GEMIN2: variants seen among roughly 807,000 people sequenced by gnomAD.
The protein encoded by GEMIN2 is gem-associated protein 2.
GEMIN2 carries 37 observed loss-of-function variants against 45.8 expected under a neutral mutation model. The ratio of observed to expected loss-of-function variants is 0.81; its 90% confidence interval spans 0.62 to 1.06. GEMIN2 has a LOEUF of 1.06. Among genes scored for constraint, GEMIN2 ranks in the 50% least tolerant of loss-of-function variants. GEMIN2 has a pLI of 0.00. For missense variants in GEMIN2, 335 were observed against 321.8 expected, an observed-to-expected ratio of 1.04 and a Z score of -0.31; for synonymous variants, 101 against 111.5, an observed-to-expected ratio of 0.91 and a Z score of 0.60.
At chr14:39,115,964 T>C (rs2052499358) in intron 2 of GEMIN2, among the ~76,000 whole-genome samples, 1 of 152,118 alleles carries the variant, frequency 6.6e-6, no homozygotes, top group Non-Finnish European at 1.5e-5. Context: ...TTGTGATTAT[T>C]GCTATGAAGA....
At chr14:39,130,830 G>C (rs894283663) in intron 7 of GEMIN2, among the ~76,000 whole-genome samples, 2 of 151,910 alleles carry the variant, frequency 1.3e-5, no homozygotes, top group Non-Finnish European at 2.9e-5. Flanking sequence ...GGGAGGCAGA[G>C]GTTGCAGTGA....
At chr14:39,129,958 T>G (rs2052696137) in intron 7 of GEMIN2, among the ~76,000 whole-genome samples, 1 of 136,448 alleles carries the variant, frequency 7.3e-6, no homozygotes, top group Admixed American at 7.7e-5. Flanking sequence ...TTTTTTTTTT[T>G]GAGATGGAGT....
chr14:39,119,202 C>CA (rs1458295617), intron 4 of GEMIN2, among the ~76,000 whole-genome samples: 2 of 151,810 alleles, frequency 1.3e-5, no homozygotes, highest in Admixed American at 6.6e-5. Flanking sequence ...TCAATATTTA[C>CA]AAAAAAAATT....
intron 4 of GEMIN2, 69 bp from the exon 5 acceptor site, chr14:39,122,361 C>A: frequency 1.4e-6 from 1 of 726,284 alleles, no homozygotes; most frequent in Non-Finnish European, 2.3e-6. Context: ...GACTTAACTT[C>A]TTTTTTTTTA....
intron 6 of GEMIN2, among the ~76,000 whole-genome samples, chr14:39,127,333 A>ATT (rs2052656373): frequency 1.1e-4 from 9 of 81,940 alleles, no homozygotes; most frequent in East Asian, 8.9e-4. Context: ...CAGGTGTGCC[A>ATT]TTGTTTTTTT....
chr14:39,135,187 T>A (rs926518687), intron 9 of GEMIN2, among the ~76,000 whole-genome samples: 1 of 152,220 alleles, frequency 6.6e-6, no homozygotes, highest in Non-Finnish European at 1.5e-5. Context: ...CATTCAAGTG[T>A]ATTTTTTGCC....
In GEMIN2 at chr14:39,133,648, T is replaced by A; in HGVS notation, c.712-13T>A. The A allele has an allele frequency of 1.4e-6, 2 of 1,383,786 alleles. No homozygotes were observed. The highest frequency in any genetic ancestry group is 2.9e-5 in the African/African-American group (2 of 67,954). 85.7% of individuals were successfully genotyped at this position (1,383,786 alleles called of 1,614,324 possible). ...AACAGACAATATTTAAATTTTTCTTTTTTTTTTTTTAGGATAGCAAAGATG... is the reference window on the plus strand; with the variant it reads ...AACAGACAATATTTAAATTTTTCTTATTTTTTTTTTAGGATAGCAAAGATG... On this transcript the variant is annotated splice_polypyrimidine_tract_variant and intron_variant, in intron 8 of 9. Coordinates refer to ENST00000308317, the MANE Select transcript of GEMIN2 (RefSeq NM_003616.3).
intron 2 of GEMIN2, 61 bp from the exon 3 acceptor site, chr14:39,117,938 G>A: frequency 1.3e-6 from 1 of 775,830 alleles, no homozygotes; most frequent in Non-Finnish European, 2.2e-6. Context: ...GCTTTGCAGA[G>A]GCATGAGATT....
Position 39,118,073 on chromosome 14 carries a change from T to C in GEMIN2, c.297T>C (p.Phe99=). 6.3e-7 allele frequency: 1 copy of C among 1,586,790 alleles called. No individual in the cohort carries two copies. Among genetic ancestry groups the C allele is most frequent in the Non-Finnish European group, 8.6e-7 (1 of 1,157,624 alleles). Reference sequence around the variant, plus strand: ...GGCAACAGCAACAAGTGGCACAGTTTTCAACTGTTCGACAGGTAAGTGTCA... The same window carrying C: ...GGCAACAGCAACAAGTGGCACAGTTCTCAACTGTTCGACAGGTAAGTGTCA... ...LQWQQQQVAQ[F]STVRQNVNKH... is the part of the protein sequence containing the mutation. Residue 99 remains phenylalanine, a synonymous_variant, in exon 3 of 10, where the codon TTT becomes TTC. Coordinates refer to ENST00000308317, the MANE Select transcript of GEMIN2 (RefSeq NM_003616.3).
At chr14:39,131,321 C>T (rs192042677) in intron 7 of GEMIN2, among the ~76,000 whole-genome samples, 7 of 152,126 alleles carry the variant, frequency 4.6e-5, no homozygotes, top group East Asian at 1.9e-4. Flanking sequence ...GTTGTACATA[C>T]GAATAGGAAA....
At chr14:39,133,362 T>C (rs1411353516) in intron 8 of GEMIN2, among the ~76,000 whole-genome samples, 4 of 149,340 alleles carry the variant, frequency 2.7e-5, no homozygotes, top group African/African-American at 9.8e-5. Flanking sequence ...AGACACAGGA[T>C]TCTTATTGTT....
chr14:39,116,740 A>G (rs1174874918), intron 2 of GEMIN2, among the ~76,000 whole-genome samples: 3 of 152,008 alleles, frequency 2.0e-5, no homozygotes, highest in Non-Finnish European at 2.9e-5. Context: ...TAATATACCT[A>G]ATTTGATGGA....
chr14:39,136,005 G>C (rs1228171091), intron 9 of GEMIN2, among the ~76,000 whole-genome samples: 1 of 152,054 alleles, frequency 6.6e-6, no homozygotes, highest in Admixed American at 6.6e-5. Context: ...AGAATTGTTT[G>C]AGCCCAGGAG....
At chr14:39,115,862 G>A (rs2139330033) in intron 2 of GEMIN2, among the ~76,000 whole-genome samples, 1 of 152,270 alleles carries the variant, frequency 6.6e-6, no homozygotes, top group East Asian at 1.9e-4. Flanking sequence ...GAATTCAACA[G>A]AGGGTAAGAC....
chr14:39,124,573 C>T (rs1489932376), intron 5 of GEMIN2, among the ~76,000 whole-genome samples: 1 of 151,908 alleles, frequency 6.6e-6, no homozygotes, highest in Admixed American at 6.6e-5. Flanking sequence ...GAGTTCCAGA[C>T]CAACCTGGGC....
intron 7 of GEMIN2, among the ~76,000 whole-genome samples, chr14:39,131,118 T>C (rs2052709773): frequency 6.6e-6 from 1 of 151,870 alleles, no homozygotes; most frequent in Non-Finnish European, 1.5e-5. Flanking sequence ...AACAACATGG[T>C]GAAACCCGGT....
In GEMIN2 at chr14:39,133,691, T is replaced by G; in HGVS notation, c.742T>G (p.Leu248Val). The change falls in exon 9 of 10, where the codon TTG becomes GTG. Residue 248 changes from leucine (L) to valine (V), a missense_variant. Physicochemically the swap from Leu to Val is conservative, Grantham distance 32 (BLOSUM62 1). Transcript: ENST00000308317. ...CAAAGATGATGAGAGGGTTCCTGCT[T>G]TGAATTTATTAATCTGCTTGGTTAG... ...DSKDDERVPA[L>V]NLLICLVSRY... The G allele has an allele frequency of 6.5e-7, 1 of 1,547,392 alleles. No homozygotes were observed. The highest frequency in any genetic ancestry group is 8.8e-7 in the Non-Finnish European group (1 of 1,140,682).
At chr14:39,128,067 CAAAAAAAAAAA>C (rs1212260025) in intron 6 of GEMIN2, among the ~76,000 whole-genome samples, 2 of 10,564 alleles carry the variant, frequency 1.9e-4, no homozygotes, top group East Asian at 3.5e-3. Flanking sequence ...GACTCTATCT[CAAAAAAAAAAA>C]AAAAAAAAAA....
At chr14:39,131,042 A>G (rs1363112099) in intron 7 of GEMIN2, among the ~76,000 whole-genome samples, 1 of 152,114 alleles carries the variant, frequency 6.6e-6, no homozygotes, top group Non-Finnish European at 1.5e-5. Context: ...TCACGCCTGT[A>G]ATCTCACCAC....
Sources: gnomAD v4.1 joint callset for allele counts (sites outside exome capture counted in the v4.1 genomes callset) on GRCh38, gnomAD v4.1.1 for gene constraint, MANE v1.5 for transcripts, NCBI Gene and HGNC (gene_info 2026-07-23, HGNC 2026-07-21) for gene names.